The following NHSL1 variants were observed in gnomAD, a reference collection of about 807,000 sequenced individuals.
NHSL1 encodes the protein NHS like 1.
In NHSL1, 48 loss-of-function variants were observed where a neutral mutation model predicts 95.0. That is an observed-to-expected ratio of 0.51 (90% CI 0.40 to 0.64). The LOEUF is 0.64. Ranked by LOEUF, NHSL1 falls within the 30% of genes least tolerant of loss-of-function variation. The probability of loss-of-function intolerance (pLI) is 0.00; values close to 1 mark genes in which losing one functional copy is unlikely to be tolerated. For missense variants in NHSL1, 1,971 were observed against 2,077.7 expected, an observed-to-expected ratio of 0.95 and a Z score of 1.00; for synonymous variants, 783 against 833.9, an observed-to-expected ratio of 0.94 and a Z score of 1.05.
chr6:138,466,774 T>TA (rs113549140), intron 3 of NHSL1, among the ~76,000 whole-genome samples: 40,723 of 151,880 alleles, frequency 0.27, 6,400 homozygotes, highest in African/African-American at 0.41. Flanking sequence ...GAGAGTCATA[T>TA]AAAAATATGA....
intron 1 of NHSL1, among the ~76,000 whole-genome samples, chr6:138,561,921 C>A (rs1783426110): frequency 6.6e-6 from 1 of 152,156 alleles, no homozygotes; most frequent in Non-Finnish European, 1.5e-5. Context: ...TTAGCAAAAA[C>A]TAAGTAAATA....
At chr6:138,531,411 G>A (rs1169480693) in intron 1 of NHSL1, among the ~76,000 whole-genome samples, 1 of 152,106 alleles carries the variant, frequency 6.6e-6, no homozygotes, top group Non-Finnish European at 1.5e-5. Context: ...GGTAAGAACA[G>A]TTAGTTTGTA....
At chr6:138,567,177 G>A in intron 1 of NHSL1, among the ~76,000 whole-genome samples, 1 of 152,088 alleles carries the variant, frequency 6.6e-6, no homozygotes, top group East Asian at 1.9e-4. Context: ...ACCCAGGCTG[G>A]AATGCAGTGG....
At chr6:138,466,466 C>G (rs577053408) in intron 3 of NHSL1, among the ~76,000 whole-genome samples, 6 of 152,342 alleles carry the variant, frequency 3.9e-5, no homozygotes, top group African/African-American at 1.4e-4. Flanking sequence ...CTCATTCTTT[C>G]AATCCCAATC....
chr6:138,431,926 G>C lies in NHSL1; in HGVS notation c.2419C>G (p.Pro807Ala). 6.4e-7 allele frequency: 1 copy of C among 1,551,742 alleles called. No homozygotes were observed. Among genetic ancestry groups the C allele is most frequent in the Non-Finnish European group, 8.7e-7 (1 of 1,147,002 alleles). Residue 807 changes from proline (P) to alanine (A), a missense_variant, in exon 6 of 8, where the codon CCC becomes GCC. Pro to Ala is a conservative substitution (Grantham distance 27). Transcript: ENST00000343505. The surrounding 1 kb of genome is among the most constrained non-coding windows in gnomAD (Gnocchi z 4.0). The part of the protein sequence containing the change: ...AGGCSTSSGV[P>A]TGNGPVRHVQ... ...TGGCGGACTGGCCCGTTCCCAGTGGGCACCCCACTGCTGGTTGAACAGCCC... is the reference window on the plus strand; with the variant it reads ...TGGCGGACTGGCCCGTTCCCAGTGGCCACCCCACTGCTGGTTGAACAGCCC...
At chr6:138,574,550 G>T (rs925764423), upstream of NHSL1, among the ~76,000 whole-genome samples, 3 of 151,924 alleles carry the variant, frequency 2.0e-5, no homozygotes, top group Admixed American at 2.0e-4. Flanking sequence ...TATCTGGCTG[G>T]GCACGGTGGC....
At chr6:138,463,008 A>T (rs1778097790) in intron 3 of NHSL1, among the ~76,000 whole-genome samples, 1 of 152,126 alleles carries the variant, frequency 6.6e-6, no homozygotes, top group Admixed American at 6.5e-5. Flanking sequence ...TTGTAATGAG[A>T]TTCTAGAGAG....
intron 1 of NHSL1, among the ~76,000 whole-genome samples, chr6:138,516,687 T>G (rs1781474902): frequency 6.6e-6 from 1 of 152,118 alleles, no homozygotes; most frequent in African/African-American, 2.4e-5. Flanking sequence ...CAGGCTGGAG[T>G]GCAGTGGTGT....
chr6:138,572,056 C>A (rs1193367961), exon 1 of NHSL1: 3 of 631,142 alleles, frequency 4.8e-6, no homozygotes, highest in African/African-American at 1.9e-5. Flanking sequence ...TCCAAAAAGA[C>A]GGCTTCTGTG....
In NHSL1 at chr6:138,432,573, G is replaced by A; in HGVS notation, c.1772C>T (p.Ser591Phe). 1 of 1,551,940 alleles carries A rather than the reference G, an allele frequency of 6.4e-7. No homozygotes were observed. Among genetic ancestry groups the A allele is most frequent in the East Asian group, 2.4e-5 (1 of 40,894 alleles). ...CAGCGACCCAGCATCCTCTTTGTTGGACGTTTGGTCCAAACTGCAGCTGCT... is the reference window on the plus strand; with the variant it reads ...CAGCGACCCAGCATCCTCTTTGTTGAACGTTTGGTCCAAACTGCAGCTGCT... ...NMSSCSLDQT[S>F]NKEDAGSLYS... The change falls in exon 6 of 8, where the codon TCC becomes TTC. Residue 591 changes from serine to phenylalanine, a missense_variant. Coordinates refer to ENST00000343505, the MANE Select transcript of NHSL1 (RefSeq NM_001144060.2). The surrounding 1 kb of genome is among the most constrained non-coding windows in gnomAD (Gnocchi z 4.4).
chr6:138,504,779 A>C (rs1780872639), intron 1 of NHSL1, among the ~76,000 whole-genome samples: 1 of 152,190 alleles, frequency 6.6e-6, no homozygotes, highest in Non-Finnish European at 1.5e-5. Context: ...AGGCGGGGAG[A>C]GAAAATGGTG....
chr6:138,558,050 T>C (rs995608699), intron 1 of NHSL1, among the ~76,000 whole-genome samples: 1 of 152,246 alleles, frequency 6.6e-6, no homozygotes, highest in African/African-American at 2.4e-5. Flanking sequence ...TTCTCTAGTA[T>C]TTTATACAAG....
intron 1 of NHSL1, among the ~76,000 whole-genome samples, chr6:138,559,943 C>A (rs1421770099): frequency 6.6e-6 from 1 of 152,128 alleles, no homozygotes; most frequent in Admixed American, 6.6e-5. Context: ...ACTTTGGACA[C>A]AAACAAAACT....
At position 138,432,994 on chromosome 6, in the gene NHSL1, T is replaced by C; in HGVS notation, c.1351A>G (p.Arg451Gly). 6.4e-7 allele frequency: 1 copy of C among 1,551,654 alleles called. No individual in the cohort carries two copies. Among genetic ancestry groups the C allele is most frequent in the South Asian group, 1.2e-5 (1 of 84,050 alleles). Reference sequence around the variant, plus strand: ...GCATGCCTGGAGATGAGGTGGTCTCTGGATTTTATCCTTGCATGTGATGAG... The same window carrying C: ...GCATGCCTGGAGATGAGGTGGTCTCCGGATTTTATCCTTGCATGTGATGAG... ...SGSSHARIKS[R>G]DHLISRHAVK... The change falls in exon 6 of 8, where the codon AGA becomes GGA. Residue 451 changes from arginine (R) to glycine (G), a missense_variant. By Grantham distance (125) the Arg-to-Gly change is moderately radical (BLOSUM62 -2). Coordinates refer to ENST00000343505, the MANE Select transcript of NHSL1 (RefSeq NM_001144060.2). The surrounding 1 kb of genome is among the most constrained non-coding windows in gnomAD (Gnocchi z 4.4).
At chr6:138,585,074 G>T (rs368567761) in intron 1 of NHSL1, among the ~76,000 whole-genome samples, 6 of 152,188 alleles carry the variant, frequency 3.9e-5, no homozygotes, top group Non-Finnish European at 7.3e-5. Flanking sequence ...AACTAAGTGA[G>T]AAACGCACAT....
chr6:138,632,949 C>A (rs542674026), intron 1 of NHSL1, among the ~76,000 whole-genome samples: 2 of 152,174 alleles, frequency 1.3e-5, no homozygotes, highest in Admixed American at 6.5e-5. Context: ...TAAGAAACCT[C>A]AAATTCAAGA....
intron 1 of NHSL1, among the ~76,000 whole-genome samples, chr6:138,554,042 T>C (rs1383068504): frequency 6.6e-6 from 1 of 152,228 alleles, no homozygotes; most frequent in Admixed American, 6.5e-5. Flanking sequence ...AAAGATGTCA[T>C]AATAATGTCC....
At chr6:138,602,561 C>T (rs373994311) in intron 1 of NHSL1, among the ~76,000 whole-genome samples, 2 of 152,082 alleles carry the variant, frequency 1.3e-5, no homozygotes, top group South Asian at 4.1e-4. Context: ...AAGCTGCTCT[C>T]GAACTCCTGA....
At chr6:138,531,123 G>C (rs1782115757) in intron 1 of NHSL1, among the ~76,000 whole-genome samples, 1 of 152,158 alleles carries the variant, frequency 6.6e-6, no homozygotes. Context: ...CTACAGAACT[G>C]TGAGAAATAA....
Sources: gnomAD v4.1 joint callset for allele counts (sites outside exome capture counted in the v4.1 genomes callset) on GRCh38, gnomAD v4.1.1 for gene constraint, Gnocchi (gnomAD v3.1) non-coding constraint, MANE v1.5 for transcripts, NCBI Gene and HGNC (gene_info 2026-07-23, HGNC 2026-07-21) for gene names.